The following TMEM170A variants were observed in gnomAD, a reference collection of about 807,000 sequenced individuals.
TMEM170A encodes transmembrane protein 170A.
Under a neutral mutation model 12.8 loss-of-function variants are expected in TMEM170A, and 18 were observed. The ratio of observed to expected loss-of-function variants is 1.41; its 90% CI spans 0.97 to 2.09. TMEM170A has a LOEUF of 2.09. Ranked by LOEUF, TMEM170A falls within the 30% of genes most tolerant of loss-of-function variation. The probability of loss-of-function intolerance (pLI) is 0.00; values close to 1 mark genes in which losing one functional copy is unlikely to be tolerated. For missense variants in TMEM170A, 220 were observed against 179.9 expected (o/e 1.22, Z -1.28); for synonymous variants, 107 against 76.2 (o/e 1.40, Z -2.11).
intron 2 of TMEM170A, chr16:75,451,345 T>A (rs2079677700): frequency 9.8e-6 from 4 of 409,140 alleles, no homozygotes; most frequent in South Asian, 3.6e-5. Context: ...AGCTCAGGAG[T>A]TCGAGACCCG....
intron 1 of TMEM170A, chr16:75,459,943 T>G: frequency 6.6e-6 from 1 of 152,534 alleles, no homozygotes; most frequent in Non-Finnish European, 1.5e-5. Flanking sequence ...CCTGCAGCCC[T>G]GCACCCTCTC....
rs2079732856 is a variant in TMEM170A, at chr16:75,453,824, T to C, written c.134-1985A>G. Among the ~76,000 whole-genome samples, 4 of 152,200 alleles carry C rather than the reference T, an allele frequency of 2.6e-5. No individual in the cohort carries two copies. The South Asian group carries it at 8.3e-4, about 31-fold the overall frequency. On this transcript the variant is annotated intron_variant, in intron 1 of 2. Coordinates refer to ENST00000561878, the MANE Select transcript of TMEM170A (RefSeq NM_145254.3). ...GGCAACATTAAGATACATATAATCA[T>C]CAACTATGTATGAAAAACTATGCAT... is the stretch of plus-strand genomic sequence containing the variant.
rs533984307 is a variant in TMEM170A at position 75,451,894 on chromosome 16, T to C, written c.134-55A>G. On this transcript the variant is annotated intron_variant, in intron 1 of 2. Coordinates refer to ENST00000561878, the MANE Select transcript of TMEM170A (RefSeq NM_145254.3). ...ATCACTGCCCTTCCCAGGACAATCA[T>C]TGCAGAGGGTACTCATCATACCCGT... is the stretch of plus-strand genomic sequence containing the variant. 180 of 1,482,618 alleles carry C rather than the reference T, an allele frequency of 1.2e-4. 1 individual carries two copies. Among genetic ancestry groups the C allele is most frequent in the African/African-American group, 7.0e-4 (50 of 71,766 alleles). 91.8% of individuals were successfully genotyped at this position (1,482,618 alleles called of 1,614,324 possible). A position where few individuals can be genotyped will look rare whatever the true frequency, so the allele number is the denominator to read the frequency against.
intron 1 of TMEM170A, among the ~76,000 whole-genome samples, chr16:75,453,751 A>AGCT (rs2079731184): frequency 6.6e-6 from 1 of 152,230 alleles, no homozygotes. Flanking sequence ...AGGTTAGGAG[A>AGCT]GCTGGCTCCT....
chr16:75,460,426 T>C (rs1567704489), intron 1 of TMEM170A, among the ~76,000 whole-genome samples: 1 of 152,114 alleles, frequency 6.6e-6, no homozygotes, highest in Non-Finnish European at 1.5e-5. Context: ...ACACAGTCCC[T>C]CCAGGCACCC....
intron 2 of TMEM170A, chr16:75,451,351 A>G (rs1466712622): frequency 6.8e-6 from 3 of 442,502 alleles, no homozygotes; most frequent in Non-Finnish European, 1.2e-5. Context: ...GGAGTTCGAG[A>G]CCCGGGCAAC....
rs1476468629 is a variant in TMEM170A at position 75,445,188 on chromosome 16, CTG to C, written c.*2368_*2369del. 1 of 152,204 alleles carries C rather than the reference CTG, an allele frequency of 6.6e-6. No homozygotes were observed. Among genetic ancestry groups the C allele is most frequent in the Non-Finnish European group, 1.5e-5 (1 of 68,034 alleles). The allele number at this position is 152,204 out of a possible 1,614,324, so 9.4% of individuals were successfully genotyped here. A position where few individuals can be genotyped will look rare whatever the true frequency, so the allele number is the denominator to read the frequency against. On this transcript the variant is annotated 3_prime_UTR_variant, in exon 3 of 3. Coordinates refer to ENST00000561878, the MANE Select transcript of TMEM170A (RefSeq NM_145254.3). ...AAAAACTAGAATTTTTACAATTTGC[CTG>C]TGAGAAAGATTTGAGCTTCTTGTTA...
intron 2 of TMEM170A, among the ~76,000 whole-genome samples, chr16:75,448,411 G>A (rs1480701776): frequency 3.3e-5 from 5 of 152,250 alleles, no homozygotes; most frequent in Non-Finnish European, 5.9e-5. Context: ...GTTACTATAC[G>A]AGTTCAGCAT....
intron 2 of TMEM170A, among the ~76,000 whole-genome samples, chr16:75,450,106 T>A (rs1268365037): frequency 1.3e-5 from 2 of 150,484 alleles, no homozygotes; most frequent in Non-Finnish European, 2.9e-5. Flanking sequence ...CAGCCAGTCA[T>A]CCTGGGGCAG....
chr16:75,449,096 AAAAAG>A lies in TMEM170A; in HGVS notation c.305-1413_305-1409del, dbSNP rs1172103962. Among the ~76,000 whole-genome samples, 11 of 152,140 alleles carry A rather than the reference AAAAAG, an allele frequency of 7.2e-5. No homozygotes were observed. In the East Asian group the frequency reaches 1.7e-3, roughly 24 times the overall value. On this transcript the variant is annotated intron_variant, in intron 2 of 2. Transcript: ENST00000561878. ...TAAATAAATAAATAATAAAAATTTT[AAAAAG>A]AAAAGAATAGATCCAGATTTCCCAG...
Position 75,454,064 on chromosome 16 carries a change from A to AT in TMEM170A, c.134-2226dup, listed in dbSNP as rs560904347. ...GCTAGAGGCAGGTAAGTAGCAAGTG[A>AT]TTTTTGAGATCAGTGAAGAGCTTAG... is the stretch of plus-strand genomic sequence containing the variant. On this transcript the variant is annotated intron_variant, in intron 1 of 2. Transcript: ENST00000561878. Among the ~76,000 whole-genome samples the AT allele has an allele frequency of 6.8e-4, 103 of 152,286 alleles. 1 individual carries two copies. Among genetic ancestry groups the AT allele is most frequent in the African/African-American group, 2.5e-3 (103 of 41,558 alleles).
chr16:75,444,512 C>G lies in TMEM170A; in HGVS notation c.*3046G>C, dbSNP rs1366587103. On this transcript the variant is annotated 3_prime_UTR_variant, in exon 3 of 3. Transcript: ENST00000561878. ...CTGGGGGAGGATATTTCTAAGAAAT[C>G]AGTTTTTGGCAAAAATTCTCAAAAC... The G allele has an allele frequency of 2.0e-5, 3 of 152,112 alleles. No homozygotes were observed. Among genetic ancestry groups the G allele is most frequent in the African/African-American group, 7.2e-5 (3 of 41,438 alleles). 9.4% of individuals were successfully genotyped at this position (152,112 alleles called of 1,614,324 possible). A position where few individuals can be genotyped will look rare whatever the true frequency, so the allele number is the denominator to read the frequency against.
At chr16:75,457,209 T>C (rs2079814911) in intron 1 of TMEM170A, among the ~76,000 whole-genome samples, 1 of 152,126 alleles carries the variant, frequency 6.6e-6, no homozygotes, top group South Asian at 2.1e-4. Flanking sequence ...AAGGCACTGC[T>C]GGAGCCTGGC....
At chr16:75,455,185 G>A (rs1314101994) in intron 1 of TMEM170A, among the ~76,000 whole-genome samples, 1 of 151,922 alleles carries the variant, frequency 6.6e-6, no homozygotes, top group East Asian at 1.9e-4. Flanking sequence ...GTAAAACCCC[G>A]TCTCTACTAA....
At position 75,446,424 on chromosome 16, in the gene TMEM170A, C is replaced by T. The variant is rs182875573; in HGVS notation, c.*1134G>A. The stretch of plus-strand genomic sequence containing the variant: ...TAGCTAAAATTAAGTTTTAAAAAAA[C>T]TCTTGATATTTAAATCTCTTTAAAG... On this transcript the variant is annotated 3_prime_UTR_variant, in exon 3 of 3. Coordinates refer to ENST00000561878, the MANE Select transcript of TMEM170A (RefSeq NM_145254.3). 7.8e-4 allele frequency: 119 copies of T among 152,142 alleles called. No homozygotes were observed. Among genetic ancestry groups the T allele is most frequent in the African/African-American group, 2.8e-3 (115 of 41,510 alleles). 9.4% of individuals were successfully genotyped at this position (152,142 alleles called of 1,614,324 possible). A position where few individuals can be genotyped will look rare whatever the true frequency, so the allele number is the denominator to read the frequency against.
intron 1 of TMEM170A, among the ~76,000 whole-genome samples, chr16:75,453,381 T>C (rs1243886294): frequency 6.6e-6 from 1 of 152,018 alleles, no homozygotes; most frequent in Non-Finnish European, 1.5e-5. Context: ...TTGCAGTAAG[T>C]CAAGATCATG....
chr16:75,464,140 C>T, intron 1 of TMEM170A: 3 of 1,331,016 alleles, frequency 2.3e-6, no homozygotes, highest in Non-Finnish European at 2.0e-6. Context: ...CTCCCGGGCT[C>T]GTGGGGTGCA....
rs1465976105 is a variant in TMEM170A, at chr16:75,444,586, G to A, written c.*2972C>T. 1 of 152,054 alleles carries A rather than the reference G, an allele frequency of 6.6e-6. No individual in the cohort carries two copies. The highest frequency in any genetic ancestry group is 1.5e-5 in the Non-Finnish European group (1 of 68,016). The allele number at this position is 152,054 out of a possible 1,614,324, so 9.4% of individuals were successfully genotyped here. A position where few individuals can be genotyped will look rare whatever the true frequency, so the allele number is the denominator to read the frequency against. ...CAATTGCCAATATTCTTCCATCTGAGTGACCACCCCCAAATAATTCTATAT... is the reference window on the plus strand; with the variant it reads ...CAATTGCCAATATTCTTCCATCTGAATGACCACCCCCAAATAATTCTATAT... On this transcript the variant is annotated 3_prime_UTR_variant, in exon 3 of 3. Coordinates refer to ENST00000561878, the MANE Select transcript of TMEM170A (RefSeq NM_145254.3).
intron 1 of TMEM170A, among the ~76,000 whole-genome samples, chr16:75,463,100 G>T (rs1282071450): frequency 6.6e-6 from 1 of 152,108 alleles, no homozygotes; most frequent in Non-Finnish European, 1.5e-5. Context: ...GAAAGCCAAA[G>T]AATCAAAATA....
Sources: allele counts gnomAD v4.1 joint callset (sites outside exome capture counted in the v4.1 genomes callset), GRCh38; gene constraint gnomAD v4.1.1; transcripts MANE v1.5; gene names NCBI Gene and HGNC (gene_info 2026-07-23, HGNC 2026-07-21).